Variants in DENND1A observed in about 807,000 individuals in gnomAD.
DENND1A encodes the protein DENN domain-containing protein 1A.
Under a neutral mutation model 113.7 loss-of-function variants are expected in DENND1A, and 51 were observed. The observed-to-expected ratio is 0.45, with a 90% CI of 0.36 to 0.57. The LOEUF is 0.57. DENND1A is among the 20% of genes least tolerant of loss of function. DENND1A has a pLI of 0.00. For synonymous variants in DENND1A, 565 were observed against 570.8 expected, an observed-to-expected ratio of 0.99 and a Z score of 0.14; for missense variants, 1,258 against 1,395.9, an observed-to-expected ratio of 0.90 and a Z score of 1.57.
In DENND1A at chr9:123,402,148, T is replaced by C. The variant is rs188249473; in HGVS notation, c.1631+1254A>G. On this transcript the variant is annotated intron_variant, in intron 21 of 23. Transcript: ENST00000394215. ...CATCCCTCATGTTCCCACCAGGCTA[T>C]TGTGCAGAGCAAAAGTTAAACTTAA... Among the ~76,000 whole-genome samples the C allele has an allele frequency of 8.5e-5, 13 of 152,360 alleles. No homozygotes were observed. The East Asian group carries it at 2.3e-3, about 27-fold the overall frequency.
At chr9:123,482,134 G>C (rs1033137040) in intron 13 of DENND1A, among the ~76,000 whole-genome samples, 7 of 152,100 alleles carry the variant, frequency 4.6e-5, no homozygotes, top group Non-Finnish European at 8.8e-5. Context: ...GTCTCGCTCT[G>C]TTGCCCAGGC....
At position 123,699,734 on chromosome 9, in the gene DENND1A, G is replaced by C. The variant is rs529723660; in HGVS notation, c.303-22945C>G. 4.9e-4 allele frequency among the ~76,000 whole-genome samples: 59 copies of C among 121,554 alleles called. 1 individual carries two copies. The highest frequency in any genetic ancestry group is 6.2e-4 in the Non-Finnish European group (39 of 62,498). The allele number at this position is 121,554 out of a possible 152,430, so 79.7% of individuals were successfully genotyped here. Reference sequence around the variant, plus strand: ...TTTATTGGAGACAGAGTCTCGCTCTGTCACCCAGGCTGGAGTGCAGTGGCG... The same window carrying C: ...TTTATTGGAGACAGAGTCTCGCTCTCTCACCCAGGCTGGAGTGCAGTGGCG... On this transcript the variant is annotated intron_variant, in intron 5 of 23. Transcript: ENST00000394215.
chr9:123,676,928 A>G, intron 5 of DENND1A, 139 bp from the exon 6 acceptor site: 1 of 784,268 alleles, frequency 1.3e-6, no homozygotes, highest in Non-Finnish European at 2.1e-6. Flanking sequence ...TGGAAACACA[A>G]ACTGGCGAAA....
chr9:123,629,279 C>T (rs1287696367), intron 10 of DENND1A, among the ~76,000 whole-genome samples: 1 of 152,204 alleles, frequency 6.6e-6, no homozygotes, highest in Non-Finnish European at 1.5e-5. Flanking sequence ...TCTCAATATC[C>T]GGCACGCAGT....
intron 8 of DENND1A, among the ~76,000 whole-genome samples, chr9:123,663,126 G>C (rs571576189): frequency 1.3e-5 from 2 of 152,232 alleles, no homozygotes; most frequent in African/African-American, 4.8e-5. Flanking sequence ...ACTTTCATAA[G>C]AGTAAAAATA....
At chr9:123,830,903 A>G (rs1202572866) in intron 2 of DENND1A, among the ~76,000 whole-genome samples, 1 of 145,688 alleles carries the variant, frequency 6.9e-6, no homozygotes, top group African/African-American at 2.5e-5. Flanking sequence ...AAAAAAAACC[A>G]GAAAAGAATA....
At chr9:123,518,592 A>G (rs1372272030) in intron 13 of DENND1A, among the ~76,000 whole-genome samples, 2 of 152,124 alleles carry the variant, frequency 1.3e-5, no homozygotes, top group Non-Finnish European at 2.9e-5. Flanking sequence ...GGGATATAAT[A>G]ATTTATTTTA....
chr9:123,528,668 T>A (rs2135281470), intron 13 of DENND1A, among the ~76,000 whole-genome samples: 1 of 152,308 alleles, frequency 6.6e-6, no homozygotes, highest in South Asian at 2.1e-4. Context: ...TCCAACCAGC[T>A]TCCTCCCTGC....
rs761540718 is a variant in DENND1A at position 123,440,396 on chromosome 9, T to C, written c.1452A>G (p.Arg484=). The change falls in exon 19 of 24, where the codon CGA becomes CGG. Residue 484 remains arginine, a synonymous_variant. Coordinates refer to ENST00000394215, the MANE Select transcript of DENND1A (RefSeq NM_001352964.2). ...GGACTGTGATTGGCCGCCGGTCTTC[T>C]CGGAGCTTGGGGTCCTTGGCCTCCA... ...PLVEAKDPKL[R]EDRRPITVHF... is the part of the protein sequence containing the mutation. The C allele has an allele frequency of 1.2e-6, 2 of 1,601,148 alleles. No individual in the cohort carries two copies. The highest frequency in any genetic ancestry group is 2.3e-5 in the East Asian group (1 of 43,732).
chr9:123,783,178 T>C (rs1590066565), intron 3 of DENND1A, among the ~76,000 whole-genome samples: 1 of 152,324 alleles, frequency 6.6e-6, no homozygotes, highest in Middle Eastern at 3.4e-3. Flanking sequence ...AAAGTAATTA[T>C]CTGAAACCCC....
intron 5 of DENND1A, among the ~76,000 whole-genome samples, chr9:123,680,787 C>T (rs575053301): frequency 9.2e-5 from 14 of 152,268 alleles, no homozygotes; most frequent in African/African-American, 1.4e-4. Flanking sequence ...AAGAGCTCTC[C>T]GACACCTCTT....
At chr9:123,714,205 C>A (rs1460709780) in intron 5 of DENND1A, among the ~76,000 whole-genome samples, 1 of 152,190 alleles carries the variant, frequency 6.6e-6, no homozygotes, top group African/African-American at 2.4e-5. Flanking sequence ...TTGCAGCTAA[C>A]CCTGTTTCAG....
chr9:123,567,055 A>G (rs1246586623), intron 12 of DENND1A, among the ~76,000 whole-genome samples: 1 of 152,194 alleles, frequency 6.6e-6, no homozygotes, highest in Non-Finnish European at 1.5e-5. Context: ...ATTCCATAAA[A>G]AGATTGCTTC....
chr9:123,623,141 A>T (rs1030000516), intron 10 of DENND1A, among the ~76,000 whole-genome samples: 10 of 150,780 alleles, frequency 6.6e-5, no homozygotes, highest in South Asian at 4.2e-4. Context: ...CAAGTTAAAT[A>T]AAAAAAAAAT....
chr9:123,926,671 A>AG (rs1857159299), intron 1 of DENND1A, among the ~76,000 whole-genome samples: 1 of 144,994 alleles, frequency 6.9e-6, no homozygotes, highest in Admixed American at 6.8e-5. Context: ...TTCTTCCTCA[A>AG]GGGTTTTTTT....
chr9:123,579,443 T>G (rs2058781465), intron 12 of DENND1A, among the ~76,000 whole-genome samples: 1 of 152,104 alleles, frequency 6.6e-6, no homozygotes, highest in African/African-American at 2.4e-5. Context: ...ATGGAATAGT[T>G]TTAGTTAGGT....
At chr9:123,430,720 T>C (rs2046075143) in intron 19 of DENND1A, among the ~76,000 whole-genome samples, 1 of 152,196 alleles carries the variant, frequency 6.6e-6, no homozygotes, top group Non-Finnish European at 1.5e-5. Context: ...AGCTAAGGGA[T>C]GCTGGGCTTA....
At chr9:123,635,061 C>T (rs1390707544) in intron 9 of DENND1A, among the ~76,000 whole-genome samples, 1 of 150,152 alleles carries the variant, frequency 6.7e-6, no homozygotes, top group African/African-American at 2.5e-5. Context: ...TGATCAATGA[C>T]GGAGTGGGAA....
intron 21 of DENND1A, among the ~76,000 whole-genome samples, chr9:123,394,229 C>G (rs755221198): frequency 8.5e-5 from 13 of 152,086 alleles, no homozygotes; most frequent in Non-Finnish European, 1.6e-4. Flanking sequence ...AACTCCTAAA[C>G]TTAGGCAATC....
Sources: gnomAD v4.1 joint callset for allele counts (sites outside exome capture counted in the v4.1 genomes callset) on GRCh38, gnomAD v4.1.1 for gene constraint, MANE v1.5 for transcripts, NCBI Gene and HGNC (gene_info 2026-07-23, HGNC 2026-07-21) for gene names.